The following FAAH2 variants were observed in gnomAD, a reference collection of about 807,000 sequenced individuals.
FAAH2 encodes the protein fatty acid amide hydrolase 2.
FAAH2 carries 60 observed loss-of-function variants against 36.9 expected under a neutral mutation model. The ratio of observed to expected loss-of-function variants is 1.63; its 90% confidence interval spans 1.32 to 2.02. FAAH2 has a LOEUF of 2.02. FAAH2 is among the 30% of genes most tolerant of loss of function. The pLI is 0.00. For synonymous variants in FAAH2, 214 were observed against 143.8 expected (o/e 1.49, Z -3.49); for missense variants, 689 against 397.5 (o/e 1.73, Z -6.23).
At chrX:57,252,201 G>A in the FAAH2 span, among the ~76,000 whole-genome samples, 1 of 112,360 alleles carries the variant, frequency 8.9e-6, no homozygotes, top group South Asian at 3.6e-4. Context: ...TTGAGAAGGC[G>A]GTTCTATGCT....
chrX:57,349,182 C>CGT (rs2053920639), intron 5 of FAAH2, among the ~76,000 whole-genome samples: 1 of 78,971 alleles, frequency 1.3e-5, no homozygotes, highest in Non-Finnish European at 2.5e-5. Context: ...TATATGTATA[C>CGT]ATATATGTAT....
At chrX:57,258,014 C>T in the FAAH2 span, among the ~76,000 whole-genome samples, 3 of 111,472 alleles carry the variant, frequency 2.7e-5, no homozygotes, top group African/African-American at 9.8e-5. Context: ...AATAACATAG[C>T]TAGTTGCATC....
intron 2 of FAAH2, among the ~76,000 whole-genome samples, chrX:57,308,006 G>GA (rs2052591181): frequency 9.0e-6 from 1 of 111,414 alleles, no homozygotes; most frequent in Non-Finnish European, 1.9e-5. Context: ...AGTATTCCAT[G>GA]ATGCATATAC....
the FAAH2 span, among the ~76,000 whole-genome samples, chrX:57,124,803 T>A: frequency 8.9e-6 from 1 of 112,133 alleles, no homozygotes; most frequent in Non-Finnish European, 1.9e-5. Flanking sequence ...TGGCTCCCTG[T>A]TTGTCTGTTA....
intron 1 of FAAH2, among the ~76,000 whole-genome samples, chrX:57,287,559 G>T (rs978341038): frequency 1.8e-5 from 2 of 111,813 alleles, no homozygotes; most frequent in Non-Finnish European, 3.8e-5. Flanking sequence ...TCTATTTCAC[G>T]GATGCAGTTA....
chrX:57,466,148 C>CTA (rs1346302535), intron 10 of FAAH2, among the ~76,000 whole-genome samples: 134 of 78,509 alleles, frequency 1.7e-3, no homozygotes, highest in Non-Finnish European at 2.6e-3. Flanking sequence ...CTCTCTCTCT[C>CTA]TCTCTCTCTA....
At chrX:57,214,617 C>A in the FAAH2 span, among the ~76,000 whole-genome samples, 2 of 110,536 alleles carry the variant, frequency 1.8e-5, no homozygotes, top group African/African-American at 6.6e-5. Context: ...TTAGTAGAGA[C>A]GGGATTTCGC....
intron 7 of FAAH2, among the ~76,000 whole-genome samples, chrX:57,421,700 T>A (rs2056033420): frequency 8.9e-6 from 1 of 111,808 alleles, no homozygotes; most frequent in Non-Finnish European, 1.9e-5. Flanking sequence ...ACATATAAAT[T>A]TGGTGAAAGA....
intron 7 of FAAH2, among the ~76,000 whole-genome samples, chrX:57,388,590 G>A (rs907074694): frequency 1.9e-4 from 21 of 111,098 alleles, no homozygotes; most frequent in African/African-American, 6.2e-4. Context: ...TTTCATGACT[G>A]ATGAAACAAT....
chrX:57,224,315 T>C, the FAAH2 span, among the ~76,000 whole-genome samples: 1 of 111,760 alleles, frequency 8.9e-6, no homozygotes, highest in African/African-American at 3.3e-5. Flanking sequence ...TACCAACCCG[T>C]CTCTCAACAA....
chrX:57,489,008 A>T lies in FAAH2; in HGVS notation c.*76A>T. On this transcript the variant is annotated 3_prime_UTR_variant, in exon 11 of 11. Coordinates refer to ENST00000374900, the MANE Select transcript of FAAH2 (RefSeq NM_174912.4). ...GTGTTTCTATTAATTGGGTGAAATCAAGCACCAGCAGACAAGCAGAGAAAC... is the reference window on the plus strand; with the variant it reads ...GTGTTTCTATTAATTGGGTGAAATCTAGCACCAGCAGACAAGCAGAGAAAC... 1.0e-6 allele frequency: 1 copy of T among 981,834 alleles called. No individual in the cohort carries two copies. Among genetic ancestry groups the T allele is most frequent in the Non-Finnish European group, 1.4e-6 (1 of 738,352 alleles). The allele number at this position is 981,834 out of a possible 1,213,427, so 80.9% of individuals were successfully genotyped here.
chrX:57,207,383 C>G, the FAAH2 span, among the ~76,000 whole-genome samples: 1 of 111,764 alleles, frequency 8.9e-6, no homozygotes, highest in Non-Finnish European at 1.9e-5. Flanking sequence ...TTGAATTGGC[C>G]ACACAGATGG....
intron 5 of FAAH2, among the ~76,000 whole-genome samples, chrX:57,360,810 A>T (rs1366157900): frequency 9.0e-6 from 1 of 110,532 alleles, no homozygotes; most frequent in Non-Finnish European, 1.9e-5. Context: ...TATGTGCCCT[A>T]GTGCTCTTCC....
the FAAH2 span, among the ~76,000 whole-genome samples, chrX:57,190,137 A>T: frequency 7.2e-5 from 8 of 110,550 alleles, no homozygotes; most frequent in East Asian, 2.0e-3. Flanking sequence ...GTCTGGCCAC[A>T]GCCACTTTGC....
At chrX:57,355,434 G>A (rs1490944735) in intron 5 of FAAH2, among the ~76,000 whole-genome samples, 2 of 110,705 alleles carry the variant, frequency 1.8e-5, no homozygotes, top group Non-Finnish European at 3.8e-5. Flanking sequence ...AATAATCCAT[G>A]GACATGAAAT....
At chrX:57,269,652 G>A in the FAAH2 span, among the ~76,000 whole-genome samples, 1 of 111,673 alleles carries the variant, frequency 9.0e-6, no homozygotes, top group Non-Finnish European at 1.9e-5. Context: ...AATTAAGGGA[G>A]AAATCAGTAA....
the FAAH2 span, among the ~76,000 whole-genome samples, chrX:57,240,264 G>A: frequency 3.6e-5 from 4 of 111,126 alleles, no homozygotes; most frequent in East Asian, 1.1e-3. Flanking sequence ...TTTAGTTGAT[G>A]GCCTTCATTT....
At chrX:57,280,074 AG>A in the FAAH2 span, among the ~76,000 whole-genome samples, 9 of 112,052 alleles carry the variant, frequency 8.0e-5, no homozygotes, top group African/African-American at 2.3e-4. Flanking sequence ...AAGAAATTAA[AG>A]ATAGCTAAAT....
At chrX:57,348,663 A>T (rs1054347199) in intron 5 of FAAH2, among the ~76,000 whole-genome samples, 3 of 111,555 alleles carry the variant, frequency 2.7e-5, no homozygotes, top group Non-Finnish European at 5.6e-5. Flanking sequence ...AACACACAGA[A>T]GGAAACCGCA....
Sources: allele counts gnomAD v4.1 joint callset (sites outside exome capture counted in the v4.1 genomes callset), GRCh38; gene constraint gnomAD v4.1.1; transcripts MANE v1.5; gene names NCBI Gene and HGNC (gene_info 2026-07-23, HGNC 2026-07-21).